The following RUNX3 variants were observed in gnomAD, a reference collection of about 807,000 sequenced individuals.
The protein encoded by RUNX3 is runt-related transcription factor 3.
Under a neutral mutation model 27.7 loss-of-function variants are expected in RUNX3, and 10 were observed. The ratio of observed to expected loss-of-function variants is 0.36; its 90% CI spans 0.22 to 0.61. The LOEUF is 0.61. Ranked by LOEUF, RUNX3 falls within the 20% of genes least tolerant of loss-of-function variation. RUNX3 has a pLI of 0.72. For synonymous variants in RUNX3, 270 were observed against 269.2 expected (o/e 1.00, Z -0.03); for missense variants, 469 against 629.5 (o/e 0.75, Z 2.73).
chr1:24,961,007 G>A (rs1642096724), intron 2 of RUNX3, among the ~76,000 whole-genome samples: 1 of 152,140 alleles, frequency 6.6e-6, no homozygotes, highest in African/African-American at 2.4e-5. Context: ...CACCAGCCCT[G>A]AGGGTAGGCG....
intron 2 of RUNX3, among the ~76,000 whole-genome samples, chr1:24,941,397 T>C (rs539353579): frequency 6.6e-6 from 1 of 152,300 alleles, no homozygotes; most frequent in East Asian, 1.9e-4. Context: ...GCCCCTTGAT[T>C]ATAGTAACTA....
At chr1:24,928,394 G>A (rs74063016) in intron 1 of RUNX3, among the ~76,000 whole-genome samples, 7,191 of 152,220 alleles carry the variant, frequency 0.047, 510 homozygotes, top group African/African-American at 0.15. Flanking sequence ...GGGTGGCGAT[G>A]TCCCCCTAAA....
intron 2 of RUNX3, among the ~76,000 whole-genome samples, chr1:24,935,627 G>C (rs1470923165): frequency 6.6e-6 from 1 of 152,216 alleles, no homozygotes; most frequent in Non-Finnish European, 1.5e-5. Flanking sequence ...CCCATCACTT[G>C]GTGGGGCCTT....
At chr1:24,936,255 G>A (rs761144698) in intron 2 of RUNX3, among the ~76,000 whole-genome samples, 9 of 152,176 alleles carry the variant, frequency 5.9e-5, no homozygotes, top group Non-Finnish European at 8.8e-5. Flanking sequence ...AGGGAGTAGC[G>A]ACAGTTATCA....
intron 2 of RUNX3, among the ~76,000 whole-genome samples, chr1:24,957,677 A>T (rs1345664423): frequency 6.6e-6 from 1 of 152,132 alleles, no homozygotes; most frequent in Non-Finnish European, 1.5e-5. Context: ...AATAGTAGTA[A>T]TTTCTGGCAT....
chr1:24,955,314 G>A (rs533022565), intron 2 of RUNX3, among the ~76,000 whole-genome samples: 1 of 152,288 alleles, frequency 6.6e-6, no homozygotes, highest in South Asian at 2.1e-4. Context: ...TATCTTCCGG[G>A]CAGAAGGGAG....
intron 2 of RUNX3, among the ~76,000 whole-genome samples, chr1:24,922,887 A>G (rs1402608994): frequency 2.0e-5 from 3 of 150,222 alleles, no homozygotes; most frequent in Non-Finnish European, 2.9e-5. Flanking sequence ...GAATTTTCTC[A>G]CAATGCATAT....
rs1348677035 is a variant in RUNX3, at chr1:24,916,541, T to G, written c.544+2699A>C. On this transcript the variant is annotated intron_variant, in intron 3 of 4. Coordinates refer to ENST00000308873, the MANE Select transcript of RUNX3 (RefSeq NM_004350.3). This position sits in a 1 kb window ranked among gnomAD's most constrained non-coding sequence, Gnocchi z 4.8. ...TGACGCAAGGGAGGGGGTTGCTCAG[T>G]GACCAGGAGCCGCTGAGCTGGTCCC... Among the ~76,000 whole-genome samples, 1 of 152,098 alleles carries G rather than the reference T, an allele frequency of 6.6e-6. No individual in the cohort carries two copies. The highest frequency in any genetic ancestry group is 6.5e-5 in the Admixed American group (1 of 15,270).
chr1:24,909,806 G>A (rs191636505), intron 3 of RUNX3, among the ~76,000 whole-genome samples: 10 of 152,352 alleles, frequency 6.6e-5, no homozygotes, highest in South Asian at 4.1e-4. Context: ...TCCAGGGTTC[G>A]GCTGATCAAC....
intron 2 of RUNX3, among the ~76,000 whole-genome samples, chr1:24,937,383 A>G (rs1433186979): frequency 6.6e-6 from 1 of 152,170 alleles, no homozygotes; most frequent in Non-Finnish European, 1.5e-5. Flanking sequence ...CCTGACCACA[A>G]ATCCACCCCT....
chr1:24,941,079 C>A (rs1641464920), intron 2 of RUNX3, among the ~76,000 whole-genome samples: 1 of 152,186 alleles, frequency 6.6e-6, no homozygotes, highest in South Asian at 2.1e-4. Flanking sequence ...CATGATGCAG[C>A]AAAGCTGCAC....
In RUNX3 at chr1:24,908,413, G is replaced by A. The variant is rs182821338; in HGVS notation, c.545-996C>T. Among the ~76,000 whole-genome samples the A allele has an allele frequency of 5.8e-3, 876 of 152,290 alleles. 14 individuals are homozygous for A. Among genetic ancestry groups the A allele is most frequent in the Admixed American group, 0.034 (527 of 15,298 alleles). ...TATAATCTCAGCACTTTGGGAGACT[G>A]AGATGGGAGGATCAGTTGAACCCAG... is the stretch of plus-strand genomic sequence containing the variant. On this transcript the variant is annotated intron_variant, in intron 3 of 4. Transcript: ENST00000308873.
In RUNX3 at chr1:24,902,276, G is replaced by A. The variant is rs760630862; in HGVS notation, c.1094C>T (p.Thr365Ile). Residue 365 changes from threonine to isoleucine, a missense_variant, in exon 5 of 5, where the codon ACC (threonine) becomes ATC (isoleucine). By Grantham distance (89) the Thr-to-Ile change is moderately conservative. Transcript: ENST00000308873. This position sits in a 1 kb window ranked among gnomAD's most constrained non-coding sequence, Gnocchi z 9.2. ...RSPTRMLASC[T>I]SSAASVAAGN... ...GGCGGCGACAGAGGCAGCGCTGCTG[G>A]TGCAAGAGGCCAGCATGCGGGTAGG... is the stretch of plus-strand genomic sequence containing the variant. 22 of 1,596,962 alleles carry A rather than the reference G, an allele frequency of 1.4e-5. No homozygotes were observed. Among genetic ancestry groups the A allele is most frequent in the East Asian group, 2.3e-5 (1 of 44,302 alleles).
Position 24,943,924 on chromosome 1 carries a change from G to T in RUNX3, c.59-14072C>A, listed in dbSNP as rs2124343743. ...CTCATCTTGCAGTACTCTAAGAAGA[G>T]TTTGGCCTTTGATGTTAGGGAAGAT... On this transcript the variant is annotated intron_variant, in intron 2 of 6. Transcript: ENST00000338888. This position sits in a 1 kb window ranked among gnomAD's most constrained non-coding sequence, Gnocchi z 4.6. Among the ~76,000 whole-genome samples the T allele has an allele frequency of 6.6e-6, 1 of 152,342 alleles. No homozygotes were observed. The highest frequency in any genetic ancestry group is 2.1e-4 in the South Asian group (1 of 4,832).
intron 2 of RUNX3, among the ~76,000 whole-genome samples, chr1:24,951,687 TG>T (rs1641771538): frequency 6.6e-6 from 1 of 152,196 alleles, no homozygotes; most frequent in African/African-American, 2.4e-5. Context: ...GGATGCTCCT[TG>T]ACCTGAGGAA....
chr1:24,928,778 AGTC>A, intron 1 of RUNX3: 1 of 264,266 alleles, frequency 3.8e-6, no homozygotes, highest in South Asian at 3.2e-5. Flanking sequence ...TCCCATTTAG[AGTC>A]GTCTTAATGG....
chr1:24,918,673 C>G (rs1640935913), intron 3 of RUNX3, among the ~76,000 whole-genome samples: 1 of 152,162 alleles, frequency 6.6e-6, no homozygotes, highest in Non-Finnish European at 1.5e-5. Flanking sequence ...TTAATCTGAC[C>G]TTCAGCAAGC....
In RUNX3 at chr1:24,916,060, C is replaced by T. The variant is rs1227685003; in HGVS notation, c.544+3180G>A. Among the ~76,000 whole-genome samples, 2 of 152,222 alleles carry T rather than the reference C, an allele frequency of 1.3e-5. No homozygotes were observed. Among genetic ancestry groups the T allele is most frequent in the African/African-American group, 2.4e-5 (1 of 41,458 alleles). On this transcript the variant is annotated intron_variant, in intron 3 of 4. Transcript: ENST00000308873. The surrounding 1 kb of genome is among the most constrained non-coding windows in gnomAD (Gnocchi z 4.8). Reference sequence around the variant, plus strand: ...TGCAGGGCACCAGAGGGGAACGACCCGGCCACAGAACCCACAGCCGGCCTC... The same window carrying T: ...TGCAGGGCACCAGAGGGGAACGACCTGGCCACAGAACCCACAGCCGGCCTC...
At chr1:24,925,007 T>C (rs1053585606) in intron 2 of RUNX3, among the ~76,000 whole-genome samples, 3 of 152,174 alleles carry the variant, frequency 2.0e-5, no homozygotes, top group African/African-American at 7.2e-5. Context: ...TCAGACAGAA[T>C]GTAGAACTAA....
Sources: gnomAD v4.1 joint callset for allele counts (sites outside exome capture counted in the v4.1 genomes callset) on GRCh38, gnomAD v4.1.1 for gene constraint, Gnocchi (gnomAD v3.1) non-coding constraint, MANE v1.5 for transcripts, NCBI Gene and HGNC (gene_info 2026-07-23, HGNC 2026-07-21) for gene names.